Variants in CASP9 observed in about 807,000 individuals in gnomAD.
The protein encoded by CASP9 is caspase 9, also known as caspase-9.
A neutral mutation model predicts 43.5 loss-of-function variants in CASP9; 29 were observed. That is an observed-to-expected ratio of 0.67 (90% CI 0.50 to 0.91). CASP9 has a LOEUF of 0.91. CASP9 is among the 40% of genes least tolerant of loss of function. CASP9 has a pLI of 0.00. For missense variants in CASP9, 575 were observed against 537.4 expected, an observed-to-expected ratio of 1.07 and a Z score of -0.69; for synonymous variants, 206 against 211.9, an observed-to-expected ratio of 0.97 and a Z score of 0.24.
intron 2 of CASP9, among the ~76,000 whole-genome samples, chr1:15,515,489 G>A (rs987272494): frequency 1.3e-5 from 2 of 152,156 alleles, no homozygotes; most frequent in African/African-American, 4.8e-5. Flanking sequence ...CGCTGCCATG[G>A]GAACAAAGCC....
chr1:15,509,495 C>A (rs951830104), intron 2 of CASP9, among the ~76,000 whole-genome samples: 2 of 149,334 alleles, frequency 1.3e-5, no homozygotes, highest in South Asian at 4.2e-4. Context: ...ATTAGCCAGG[C>A]GAGGGGGCAG....
chr1:15,523,977 G>C, intron 1 of CASP9, 92 bp downstream of exon 1: 1 of 980,894 alleles, frequency 1.0e-6, no homozygotes, highest in Non-Finnish European at 1.4e-6. Flanking sequence ...GGGGTTTGAA[G>C]CCACAGGGAA....
rs1709554624 is a variant in CASP9, at chr1:15,507,074, G to T, written c.455C>A (p.Ala152Asp). 7 of 1,613,924 alleles carry T rather than the reference G, an allele frequency of 4.3e-6. No individual in the cohort carries two copies. The highest frequency in any genetic ancestry group is 5.9e-6 in the Non-Finnish European group (7 of 1,179,820). ...ACAGGGCTCCATGCTCAGGATGTAA[G>T]CCTGCCAGCACAGGGACCCACGTAA... is the stretch of plus-strand genomic sequence containing the variant. ...LESLRGNADLAYILSMEPCGH... is the reference protein window; with the variant it reads ...LESLRGNADLDYILSMEPCGH... The change falls in exon 4 of 9, where the codon GCT (alanine) becomes GAT (aspartate). Residue 152 changes from alanine (A) to aspartate (D), a missense_variant and splice_region_variant. By Grantham distance (126) the Ala-to-Asp change is moderately radical. Coordinates refer to ENST00000333868, the MANE Select transcript of CASP9 (RefSeq NM_001229.5).
rs377590717 is a variant in CASP9, at chr1:15,507,862, T to G, written c.453+11A>C. The G allele has an allele frequency of 6.2e-6, 10 of 1,613,890 alleles. No homozygotes were observed. The African/African-American group carries it at 1.3e-4, about 22-fold the overall frequency. ...GCCCGAGCTACTGGCCCAAATTTCA[T>G]GGAGACTCACCAAATCTGCATTTCC... On this transcript the variant is annotated intron_variant, in intron 3 of 8. Coordinates refer to ENST00000333868, the MANE Select transcript of CASP9 (RefSeq NM_001229.5).
chr1:15,524,088 T>TG lies in CASP9; in HGVS notation c.112dup (p.His38ProfsTer55). The TG allele has an allele frequency of 1.3e-6, 2 of 1,528,192 alleles. No individual in the cohort carries two copies. The highest frequency in any genetic ancestry group is 1.8e-6 in the Non-Finnish European group (2 of 1,142,344). The allele number at this position is 1,528,192 out of a possible 1,614,324, so 94.7% of individuals were successfully genotyped here. ...GCGCACCTGGATGTCCTCGATCATA[T>TG]GGGGCCTGAACAGCTCGCGGCTCAG... On this transcript the variant is annotated frameshift_variant, in exon 1 of 9. Coordinates refer to ENST00000333868, the MANE Select transcript of CASP9 (RefSeq NM_001229.5). LOFTEE classifies it high-confidence loss of function.
chr1:15,521,488 T>C (rs1350844508), intron 1 of CASP9, among the ~76,000 whole-genome samples: 2 of 152,094 alleles, frequency 1.3e-5, no homozygotes, highest in Non-Finnish European at 2.9e-5. Context: ...AGTTCATAGA[T>C]AGCGGTAGAA....
At chr1:15,521,278 A>T (rs796763317) in intron 1 of CASP9, among the ~76,000 whole-genome samples, 1 of 151,922 alleles carries the variant, frequency 6.6e-6, no homozygotes, top group Non-Finnish European at 1.5e-5. Flanking sequence ...TCAAAAAAAA[A>T]AAAAAAAGAA....
At chr1:15,509,660 G>A (rs1436790839) in intron 2 of CASP9, among the ~76,000 whole-genome samples, 2 of 150,950 alleles carry the variant, frequency 1.3e-5, no homozygotes, top group African/African-American at 4.9e-5. Context: ...GAAAGAAAAC[G>A]TGCTGCGTGA....
At position 15,506,505 on chromosome 1, in the gene CASP9, G is replaced by A. The variant is rs978197666; in HGVS notation, c.630+394C>T. On this transcript the variant is annotated intron_variant, in intron 4 of 8. Transcript: ENST00000333868. ...AACAAAGGGCCCAACCCAAACGCCT[G>A]GGCAGAGCACTTTCTCGGTTTCCCA... 1.3e-5 allele frequency among the ~76,000 whole-genome samples: 2 copies of A among 151,940 alleles called. 1 individual carries two copies. The highest frequency in any genetic ancestry group is 4.2e-4 in the South Asian group (2 of 4,814).
rs1444496626 is a variant in CASP9, at chr1:15,507,886, C to G, written c.440G>C (p.Gly147Ala). 1 of 1,614,158 alleles carries G rather than the reference C, an allele frequency of 6.2e-7. No individual in the cohort carries two copies. Residue 147 changes from glycine (G) to alanine (A), a missense_variant, in exon 3 of 9, where the codon GGA becomes GCA. By Grantham distance (60) the Gly-to-Ala change is moderately conservative. Transcript: ENST00000333868. ...GDVGALESLRGNADLAYILSM... is the reference protein window; with the variant it reads ...GDVGALESLRANADLAYILSM... ...ATGGAGACTCACCAAATCTGCATTT[C>G]CCCTCAAACTCTCAAGAGCACCTGA...
chr1:15,523,949 A>C (rs954479750), intron 1 of CASP9, 120 bp downstream of exon 1: 8 of 695,374 alleles, frequency 1.2e-5, no homozygotes, highest in Non-Finnish European at 1.8e-5. Flanking sequence ...GGTGTTTGGG[A>C]TTCTTTGGCT....
intron 1 of CASP9, among the ~76,000 whole-genome samples, 154 bp downstream of exon 1, chr1:15,523,915 G>A (rs1710320595): frequency 6.6e-6 from 1 of 152,214 alleles, no homozygotes; most frequent in Admixed American, 6.5e-5. Context: ...GCATGGAATC[G>A]CTTTAGCGAA....
At chr1:15,496,344 A>C (rs756100816) in intron 6 of CASP9, among the ~76,000 whole-genome samples, 1 of 152,230 alleles carries the variant, frequency 6.6e-6, no homozygotes, top group Non-Finnish European at 1.5e-5. Context: ...ACCTTTTTCT[A>C]TAAGATCAGG....
Position 15,493,731 on chromosome 1 carries a change from AAG to A in CASP9, c.1158+159_1158+160del. The A allele has an allele frequency of 2.6e-6, 4 of 1,512,438 alleles. No homozygotes were observed. In the South Asian group the frequency reaches 4.9e-5, roughly 18 times the overall value. The allele number at this position is 1,512,438 out of a possible 1,614,324, so 93.7% of individuals were successfully genotyped here. On this transcript the variant is annotated intron_variant, in intron 8 of 8. Transcript: ENST00000333868. ...CACCACAGGCAGGATGCCTCTCATA[AAG>A]AGACACAAAAGTGCCGACTCCAAGG... is the stretch of plus-strand genomic sequence containing the variant.
intron 6 of CASP9, among the ~76,000 whole-genome samples, chr1:15,499,846 A>G (rs947194625): frequency 6.6e-6 from 1 of 152,244 alleles, no homozygotes; most frequent in Non-Finnish European, 1.5e-5. Flanking sequence ...GTATTAGCTT[A>G]TAACATTCTG....
rs1557544022 is a variant in CASP9, at chr1:15,507,000, G to A, written c.529C>T (p.Leu177Phe). The change falls in exon 4 of 9, where the codon CTC (leucine) becomes TTC (phenylalanine). Residue 177 changes from leucine (L) to phenylalanine (F), a missense_variant. Transcript: ENST00000333868. ...ATGTTGGAGCCAGTGCGGGTGCGGAGCCCGGACTCACGGCAGAAGTTCACA... is the reference window on the plus strand; with the variant it reads ...ATGTTGGAGCCAGTGCGGGTGCGGAACCCGGACTCACGGCAGAAGTTCACA... ...NNVNFCRESG[L>F]RTRTGSNIDC... is the part of the protein sequence containing the mutation. 1 of 1,614,216 alleles carries A rather than the reference G, an allele frequency of 6.2e-7. No individual in the cohort carries two copies.
Position 15,495,360 on chromosome 1 carries a change from C to T in CASP9, c.961G>A (p.Glu321Lys). 6.2e-7 allele frequency: 1 copy of T among 1,610,186 alleles called. No homozygotes were observed. Residue 321 changes from glutamate to lysine, a missense_variant, in exon 7 of 9, where the codon GAA (glutamate) becomes AAA (lysine). Coordinates refer to ENST00000333868, the MANE Select transcript of CASP9 (RefSeq NM_001229.5). ...AGCTGGTCGAAGGTCCTCAAACCTT[C>T]CTGGAACGGGGTGGCATCTGGCTCG... is the stretch of plus-strand genomic sequence containing the variant. ...NPEPDATPFQ[E>K]GLRTFDQLDA...
intron 2 of CASP9, among the ~76,000 whole-genome samples, chr1:15,509,315 G>A (rs930378678): frequency 8.5e-5 from 13 of 152,054 alleles, no homozygotes; most frequent in Non-Finnish European, 4.4e-5. Context: ...CACGCAATGC[G>A]GGATAACCTT....
Position 15,506,957 on chromosome 1 carries a change from CG to C in CASP9, c.571del (p.Arg191GlyfsTer13). The C allele has an allele frequency of 6.2e-7, 1 of 1,614,164 alleles. No homozygotes were observed. The highest frequency in any genetic ancestry group is 8.5e-7 in the Non-Finnish European group (1 of 1,180,024). ...GAAATGCAGCGAGGAGAAGCGACGC[CG>C]CAACTTCTCACAGTCGATGTTGGAG... is the stretch of plus-strand genomic sequence containing the variant. ...TGSNIDCEKL[R>X]RRFSSLHFMV... On this transcript the variant is annotated frameshift_variant, in exon 4 of 9. Transcript: ENST00000333868. LOFTEE classifies it high-confidence loss of function.
Sources: gnomAD v4.1 joint callset for allele counts (sites outside exome capture counted in the v4.1 genomes callset) on GRCh38, gnomAD v4.1.1 for gene constraint, MANE v1.5 for transcripts, NCBI Gene and HGNC (gene_info 2026-07-23, HGNC 2026-07-21) for gene names.